Variants in TPPP2 observed in about 807,000 individuals in gnomAD.
The protein encoded by TPPP2 is tubulin polymerization-promoting protein family member 2.
TPPP2 carries 8 observed loss-of-function variants against 13.0 expected under a neutral mutation model. That is an observed-to-expected ratio of 0.62 (90% CI 0.36 to 1.11). The LOEUF (loss-of-function observed/expected upper bound fraction) is 1.11. Among genes scored for constraint, TPPP2 ranks in the 50% most tolerant of loss-of-function variants. TPPP2 has a pLI of 0.02. For synonymous variants in TPPP2, 81 were observed against 81.8 expected (o/e 0.99, Z 0.05); for missense variants, 213 against 216.9 (o/e 0.98, Z 0.11).
At chr14:21,034,070 A>G (rs1355384011), downstream of TPPP2, 1 of 1,614,194 alleles carries the variant, frequency 6.2e-7, no homozygotes, top group Non-Finnish European at 8.5e-7. Context: ...CATGTATCAC[A>G]TAATGGATCT....
chr14:21,035,987 C>A, downstream of TPPP2: 1 of 384,086 alleles, frequency 2.6e-6, no homozygotes. Flanking sequence ...CCACTGAAAG[C>A]TTCCTTGTTT....
upstream of TPPP2, among the ~76,000 whole-genome samples, chr14:21,027,607 A>C (rs1413620077): frequency 6.6e-6 from 1 of 152,238 alleles, no homozygotes; most frequent in Non-Finnish European, 1.5e-5. Flanking sequence ...CTATGAATTC[A>C]TCAATACTTT....
downstream of TPPP2, chr14:21,036,151 T>C: frequency 2.2e-6 from 1 of 455,854 alleles, no homozygotes; most frequent in South Asian, 1.6e-5. Context: ...ATCTTAAACT[T>C]TTCCCAAGCC....
Position 21,030,671 on chromosome 14 carries a change from C to G in TPPP2, c.90C>G (p.Phe30Leu). 6.2e-7 allele frequency: 1 copy of G among 1,614,158 alleles called. No homozygotes were observed. Among genetic ancestry groups the G allele is most frequent in the Non-Finnish European group, 8.5e-7 (1 of 1,180,022 alleles). ...GCACTGAAATGAACAACAAGAACTT[C>G]TCCAAGCTGTGCAAAGACTGTGGCA... ...SSGTEMNNKN[F>L]SKLCKDCGIM... Residue 30 changes from phenylalanine (F) to leucine (L), a missense_variant, in exon 2 of 4, where the codon TTC becomes TTG. Phe to Leu is a conservative substitution (Grantham distance 22, BLOSUM62 0). Coordinates refer to ENST00000321760, the MANE Select transcript of TPPP2 (RefSeq NM_173846.5).
chr14:21,032,039 T>C lies in TPPP2; in HGVS notation c.475T>C (p.Tyr159His). 6.2e-7 allele frequency: 1 copy of C among 1,614,064 alleles called. No homozygotes were observed. The highest frequency in any genetic ancestry group is 1.3e-5 in the African/African-American group (1 of 75,012). Reference sequence around the variant, plus strand: ...TGACAACACAGGCTATGTGAGTGGTTACAAGGGTTCTGGCACCTACGATAA... The same window carrying C: ...TGACAACACAGGCTATGTGAGTGGTCACAAGGGTTCTGGCACCTACGATAA... The part of the protein sequence containing the change: ...MTDNTGYVSG[Y>H]KGSGTYDKKT... Residue 159 changes from tyrosine to histidine, a missense_variant, in exon 4 of 4, where the codon TAC becomes CAC. Tyr to His is a moderately conservative substitution (Grantham distance 83). Transcript: ENST00000321760.
chr14:21,033,055 G>A (rs2986237), downstream of TPPP2: 5 of 451,006 alleles, frequency 1.1e-5, no homozygotes, highest in South Asian at 3.1e-5. Flanking sequence ...GGAAGAGAAG[G>A]GAAGCAGGAA....
upstream of TPPP2, among the ~76,000 whole-genome samples, chr14:21,026,060 C>A (rs935186699): frequency 3.3e-5 from 5 of 151,972 alleles, no homozygotes; most frequent in Non-Finnish European, 5.9e-5. Context: ...CCCGCTGAAT[C>A]GCAATGCCCG....
upstream of TPPP2, among the ~76,000 whole-genome samples, chr14:21,027,772 A>G (rs1171404188): frequency 7.9e-5 from 12 of 152,228 alleles, no homozygotes. Flanking sequence ...TGTGGCCCAC[A>G]GTCTAGAAAT....
At chr14:21,025,452 C>G (rs771923062), upstream of TPPP2, 2 of 985,522 alleles carry the variant, frequency 2.0e-6, no homozygotes, top group Non-Finnish European at 2.4e-6. The surrounding 1 kb of genome is among the most constrained non-coding windows in gnomAD (Gnocchi z 5.1). Flanking sequence ...TGGTGGGAAC[C>G]GGTAGTGGGG....
chr14:21,031,488 A>G lies in TPPP2; in HGVS notation c.327+323A>G, dbSNP rs544832025. ...GATGCCCACTCCTCTTCCAATTCTT[A>G]TTTAGGGTTTAATCTCAGGCCTCCT... On this transcript the variant is annotated intron_variant, in intron 3 of 3. Coordinates refer to ENST00000321760, the MANE Select transcript of TPPP2 (RefSeq NM_173846.5). Among the ~76,000 whole-genome samples the G allele has an allele frequency of 1.2e-4, 19 of 152,280 alleles. No individual in the cohort carries two copies. The South Asian group carries it at 3.9e-3, about 32-fold the overall frequency.
At position 21,032,267 on chromosome 14, in the gene TPPP2, G is replaced by T; in HGVS notation, c.*190G>T. The T allele has an allele frequency of 4.4e-6, 3 of 687,880 alleles. No individual in the cohort carries two copies. In the South Asian group the frequency reaches 4.5e-5, roughly 10 times the overall value. 42.6% of individuals were successfully genotyped at this position (687,880 alleles called of 1,614,324 possible). On this transcript the variant is annotated 3_prime_UTR_variant, in exon 4 of 4. Coordinates refer to ENST00000321760, the MANE Select transcript of TPPP2 (RefSeq NM_173846.5). The stretch of plus-strand genomic sequence containing the variant: ...GTGGGTTCTCCACCACACACCCTTC[G>T]CTCTGCTTAGCCTTATGCCTACCAG...
In TPPP2 at chr14:21,032,372, G is replaced by C. The variant is rs569364782; in HGVS notation, c.*295G>C. The C allele has an allele frequency of 2.0e-6, 1 of 489,578 alleles. No homozygotes were observed. The highest frequency in any genetic ancestry group is 2.4e-5 in the Admixed American group (1 of 41,976). 30.3% of individuals were successfully genotyped at this position (489,578 alleles called of 1,614,324 possible). ...ATATTTGGAGTAAAGAGATGAACCA[G>C]ATGTGGAGGTAAAAGTATCTACTAC... On this transcript the variant is annotated 3_prime_UTR_variant, in exon 4 of 4. Coordinates refer to ENST00000321760, the MANE Select transcript of TPPP2 (RefSeq NM_173846.5).
chr14:21,030,873 C>A, intron 2 of TPPP2, 119 bp downstream of exon 2: 3 of 1,499,338 alleles, frequency 2.0e-6, no homozygotes, highest in South Asian at 1.3e-5. Context: ...GGGTACCTGG[C>A]GCTGTGCTAT....
At position 21,031,117 on chromosome 14, in the gene TPPP2, C is replaced by A. The variant is rs148606055; in HGVS notation, c.279C>A (p.Asn93Lys). ...AGAGTCCAGATGAAGTCCTGGAGAA[C>A]ATTTATGGACTCATGGAGGGCAAAG... ...KGKSPDEVLE[N>K]IYGLMEGKDP... Residue 93 changes from asparagine to lysine, a missense_variant, in exon 3 of 4, where the codon AAC (asparagine) becomes AAA (lysine). By Grantham distance (94) the Asn-to-Lys change is moderately conservative (BLOSUM62 0). Transcript: ENST00000321760. 248 of 1,614,028 alleles carry A rather than the reference C, an allele frequency of 1.5e-4. No homozygotes were observed. The highest frequency in any genetic ancestry group is 2.0e-4 in the Non-Finnish European group (231 of 1,180,032).
At chr14:21,030,032 G>A (rs186937253), upstream of TPPP2, among the ~76,000 whole-genome samples, 224 of 152,342 alleles carry the variant, frequency 1.5e-3, 5 homozygotes, top group Admixed American at 0.013. Context: ...AAGCTTGGCT[G>A]AAATGATGGA....
intron 1 of TPPP2, chr14:21,024,775 G>A: frequency 1.2e-5 from 12 of 985,574 alleles, no homozygotes; most frequent in Non-Finnish European, 1.4e-5. Flanking sequence ...TACGCAGCCC[G>A]TCCGCGTGGA....
downstream of TPPP2, chr14:21,034,322 C>A: frequency 3.9e-6 from 6 of 1,526,522 alleles, no homozygotes; most frequent in Non-Finnish European, 5.4e-6. Flanking sequence ...TGGTTGGGGG[C>A]AGCAGTGGGC....
chr14:21,034,335 G>A (rs768009356), downstream of TPPP2: 9 of 1,420,366 alleles, frequency 6.3e-6, no homozygotes, highest in Non-Finnish European at 7.8e-6. Context: ...CAGTGGGCCT[G>A]AAGTGGCTGT....
chr14:21,027,709 A>G (rs1883791547), upstream of TPPP2, among the ~76,000 whole-genome samples: 1 of 152,224 alleles, frequency 6.6e-6, no homozygotes, highest in South Asian at 2.1e-4. Context: ...CTCTTTATAC[A>G]TACAGATTCT....
Sources: gnomAD v4.1 joint callset for allele counts (sites outside exome capture counted in the v4.1 genomes callset) on GRCh38, gnomAD v4.1.1 for gene constraint, Gnocchi (gnomAD v3.1) non-coding constraint, MANE v1.5 for transcripts, NCBI Gene and HGNC (gene_info 2026-07-23, HGNC 2026-07-21) for gene names.